BTBD10: variants seen among roughly 807,000 people sequenced by gnomAD.
The protein encoded by BTBD10 is BTB/POZ domain-containing protein 10.
Under a neutral mutation model 53.2 loss-of-function variants are expected in BTBD10, and 21 were observed. The ratio of observed to expected loss-of-function variants is 0.39; its 90% CI spans 0.28 to 0.57. The LOEUF (loss-of-function observed/expected upper bound fraction) is 0.57, where lower values mean the gene tolerates loss of function less well. BTBD10 is among the 20% of genes least tolerant of loss of function. The probability of loss-of-function intolerance (pLI) is 0.53; values close to 1 mark genes in which losing one functional copy is unlikely to be tolerated. For missense variants in BTBD10, 360 were observed against 594.7 expected (o/e 0.61, Z 4.10); for synonymous variants, 149 against 192.7 (o/e 0.77, Z 1.88).
intron 8 of BTBD10, among the ~76,000 whole-genome samples, chr11:13,394,550 T>TTTA (rs1367227667): frequency 6.6e-6 from 1 of 152,166 alleles, no homozygotes; most frequent in Non-Finnish European, 1.5e-5. Flanking sequence ...TTTTTATTTT[T>TTTA]TTATTATTAT....
In BTBD10 at chr11:13,388,689, C is replaced by G. The variant is rs1949320196; in HGVS notation, c.*142G>C. ...AAAAAACCATTCAGCTACCTTTGGT[C>G]TTTAAAAAAGCCTACACTGCAATAT... On this transcript the variant is annotated 3_prime_UTR_variant, in exon 9 of 9. Transcript: ENST00000278174. The G allele has an allele frequency of 1.1e-6, 1 of 910,404 alleles. No individual in the cohort carries two copies. The highest frequency in any genetic ancestry group is 1.6e-6 in the Non-Finnish European group (1 of 617,128). 56.4% of individuals were successfully genotyped at this position (910,404 alleles called of 1,614,324 possible).
intron 4 of BTBD10, among the ~76,000 whole-genome samples, chr11:13,418,184 C>A (rs1403105259): frequency 2.0e-5 from 3 of 150,352 alleles, no homozygotes; most frequent in South Asian, 2.1e-4. Flanking sequence ...TCAAAGTTTC[C>A]AAAAAAAAAT....
At chr11:13,433,579 G>A (rs1950493015) in intron 2 of BTBD10, among the ~76,000 whole-genome samples, 1 of 152,036 alleles carries the variant, frequency 6.6e-6, no homozygotes, top group Non-Finnish European at 1.5e-5. Flanking sequence ...TATAAGCATC[G>A]TTAATGTGTT....
In BTBD10 at chr11:13,421,656, C is replaced by A. The variant is rs910138339; in HGVS notation, c.284G>T (p.Arg95Leu). ...PCIRNVTSPT[R>L]QHHVEREKDH... Reference sequence around the variant, plus strand: ...ATTTTACATACCAACATGGTGCTGTCGTGTTGGAGAAGTCACATTTCTAAT... The same window carrying A: ...ATTTTACATACCAACATGGTGCTGTAGTGTTGGAGAAGTCACATTTCTAAT... Residue 95 changes from arginine (R) to leucine (L), a missense_variant, in exon 3 of 9, where the codon CGA (arginine) becomes CTA (leucine). Arg to Leu is a moderately radical substitution (Grantham distance 102). Around this residue, in one of 6 missense-constraint regions of BTBD10, gnomAD observed 109 missense variants for 118.6 expected, o/e 0.92. Coordinates refer to ENST00000278174, the MANE Select transcript of BTBD10 (RefSeq NM_032320.7). The A allele has an allele frequency of 4.3e-6, 7 of 1,612,888 alleles. No individual in the cohort carries two copies. The highest frequency in any genetic ancestry group is 5.9e-6 in the Non-Finnish European group (7 of 1,179,568).
intron 2 of BTBD10, among the ~76,000 whole-genome samples, chr11:13,425,158 G>C (rs1296369906): frequency 6.6e-6 from 1 of 152,112 alleles, no homozygotes; most frequent in Non-Finnish European, 1.5e-5. Context: ...ACTCATACAG[G>C]GTCAGGAATA....
intron 2 of BTBD10, among the ~76,000 whole-genome samples, chr11:13,429,830 G>T (rs1348723772): frequency 1.3e-5 from 2 of 152,156 alleles, no homozygotes. Flanking sequence ...GAGGCTGTGC[G>T]CAGTGATTCA....
chr11:13,401,116 A>G (rs1055354183), intron 8 of BTBD10, among the ~76,000 whole-genome samples: 3 of 138,602 alleles, frequency 2.2e-5, no homozygotes, highest in Non-Finnish European at 4.8e-5. Context: ...GTGAAATATT[A>G]TATATCAGAT....
intron 2 of BTBD10, chr11:13,440,341 A>G (rs922992030): frequency 9.4e-7 from 1 of 1,069,060 alleles, no homozygotes; most frequent in South Asian, 2.7e-5. Flanking sequence ...ATTGATAGAC[A>G]GGCATAACAA....
chr11:13,397,274 G>C (rs929922710), intron 8 of BTBD10, among the ~76,000 whole-genome samples: 1 of 152,212 alleles, frequency 6.6e-6, no homozygotes, highest in African/African-American at 2.4e-5. Context: ...TCTTGGGAGA[G>C]TGTATGTGTC....
At chr11:13,440,054 T>G in intron 2 of BTBD10, 1 of 1,530,374 alleles carries the variant, frequency 6.5e-7, no homozygotes, top group Non-Finnish European at 8.7e-7. Flanking sequence ...ATCTTCAAGA[T>G]TCCTCTGAAC....
chr11:13,413,397 T>C, intron 6 of BTBD10, 133 bp downstream of exon 6: 2 of 646,214 alleles, frequency 3.1e-6, no homozygotes, highest in East Asian at 3.2e-5. Flanking sequence ...TTAATAATCT[T>C]TGTGGTACTA....
chr11:13,457,492 C>A (rs1950997007), intron 1 of BTBD10, among the ~76,000 whole-genome samples: 1 of 152,058 alleles, frequency 6.6e-6, no homozygotes, highest in Admixed American at 6.5e-5. Context: ...CAGGTAGGTA[C>A]AGAACAAGCA....
At chr11:13,457,213 T>C (rs961304670) in intron 1 of BTBD10, among the ~76,000 whole-genome samples, 5 of 152,016 alleles carry the variant, frequency 3.3e-5, no homozygotes, top group Admixed American at 6.6e-5. Flanking sequence ...ACACAGATTA[T>C]ATAACCCTGG....
At chr11:13,446,990 T>C (rs1475861273) in intron 1 of BTBD10, among the ~76,000 whole-genome samples, 1 of 152,100 alleles carries the variant, frequency 6.6e-6, no homozygotes, top group African/African-American at 2.4e-5. Context: ...ATAAAGATAG[T>C]AGAAAGAAAC....
At chr11:13,413,830 A>G (rs768921033) in intron 5 of BTBD10, among the ~76,000 whole-genome samples, 180 bp from the exon 6 acceptor site, 1 of 152,218 alleles carries the variant, frequency 6.6e-6, no homozygotes, top group Non-Finnish European at 1.5e-5. Flanking sequence ...CATTTTACCT[A>G]TAAGGAAAAT....
chr11:13,416,002 G>A (rs1950098599), intron 5 of BTBD10, among the ~76,000 whole-genome samples: 1 of 151,160 alleles, frequency 6.6e-6, no homozygotes, highest in Non-Finnish European at 1.5e-5. Context: ...GGGACTCTGT[G>A]TGATAAAATA....
intron 1 of BTBD10, among the ~76,000 whole-genome samples, chr11:13,448,003 A>AT (rs1266463753): frequency 6.6e-6 from 1 of 152,208 alleles, no homozygotes; most frequent in East Asian, 1.9e-4. Context: ...ACTGGCACAT[A>AT]TTATATACTA....
intron 8 of BTBD10, among the ~76,000 whole-genome samples, chr11:13,402,153 C>T (rs543216455): frequency 6.6e-4 from 101 of 152,228 alleles, no homozygotes; most frequent in Admixed American, 5.9e-4. Flanking sequence ...TCAGCAATTC[C>T]ACTGCTTTTT....
chr11:13,459,812 A>G (rs1232415170), intron 1 of BTBD10: 1 of 152,240 alleles, frequency 6.6e-6, no homozygotes, highest in East Asian at 1.9e-4. Context: ...GGCACTGAAC[A>G]AAAGTATACT....
Sources: gnomAD v4.1 joint callset for allele counts (sites outside exome capture counted in the v4.1 genomes callset) on GRCh38, gnomAD v4.1.1 for gene constraint, gnomAD v4.1.1 regional missense constraint, MANE v1.5 for transcripts, NCBI Gene and HGNC (gene_info 2026-07-23, HGNC 2026-07-21) for gene names.